Variants in DGCR2 observed in about 807,000 individuals in gnomAD.
DGCR2 encodes the protein DiGeorge syndrome critical region gene 2.
DGCR2 carries 24 observed loss-of-function variants against 51.6 expected under a neutral mutation model. The observed-to-expected ratio is 0.47, with a 90% confidence interval of 0.34 to 0.65. The LOEUF is 0.65. Ranked by LOEUF, DGCR2 falls within the 30% of genes least tolerant of loss-of-function variation. The pLI is 0.01. For missense variants in DGCR2, 765 were observed against 772.1 expected (o/e 0.99, Z 0.11); for synonymous variants, 340 against 315.4 (o/e 1.08, Z -0.82).
At chr22:19,117,513 T>G (rs1390980538) in intron 1 of DGCR2, among the ~76,000 whole-genome samples, 1 of 152,214 alleles carries the variant, frequency 6.6e-6, no homozygotes, top group African/African-American at 2.4e-5. Context: ...GGGAGCAGCC[T>G]CTACTCTCTG....
chr22:19,060,876 C>G (rs761383537), intron 5 of DGCR2: 2 of 516,268 alleles, frequency 3.9e-6, no homozygotes, highest in South Asian at 2.8e-5. Context: ...AACGAGCTCC[C>G]AACTTCAAAT....
chr22:19,060,973 A>C, intron 5 of DGCR2: 1 of 391,574 alleles, frequency 2.6e-6, no homozygotes, highest in Non-Finnish European at 5.2e-6. Flanking sequence ...ATATTATACA[A>C]CACAGAAAAG....
chr22:19,084,700 GTCCGGGAGGGAGGTGGGGGGTCAGC>G (rs1569071736), intron 2 of DGCR2, among the ~76,000 whole-genome samples: 92 of 111,332 alleles, frequency 8.3e-4, no homozygotes, highest in African/African-American at 2.1e-3. Context: ...CAGCTGCCCC[GTCCGGGAGGGAGGTGGGGGGTCAGC>G]CCCCGCCCGG....
intron 2 of DGCR2, among the ~76,000 whole-genome samples, chr22:19,074,193 A>T (rs1464454980): frequency 2.6e-5 from 4 of 152,152 alleles, no homozygotes; most frequent in Non-Finnish European, 5.9e-5. Flanking sequence ...TGGGAGACCG[A>T]GGCAGGCGAT....
intron 5 of DGCR2, chr22:19,060,432 TGA>T (rs1491147902): frequency 1.3e-5 from 2 of 154,156 alleles, no homozygotes; most frequent in Non-Finnish European, 2.9e-5. Context: ...ATGTGCGTGC[TGA>T]GACACCACGG....
chr22:19,081,938 AG>A (rs1221953653), intron 2 of DGCR2, among the ~76,000 whole-genome samples: 3 of 152,208 alleles, frequency 2.0e-5, no homozygotes, highest in Non-Finnish European at 4.4e-5. Context: ...AATGCTTTAT[AG>A]GAGTTCTTTA....
chr22:19,081,378 C>A (rs777695258), intron 2 of DGCR2, among the ~76,000 whole-genome samples: 35 of 152,314 alleles, frequency 2.3e-4, no homozygotes, highest in Non-Finnish European at 3.8e-4. Flanking sequence ...ATATAACGAT[C>A]TGTTTTGCTT....
chr22:19,102,698 T>C (rs1299587919), intron 1 of DGCR2, among the ~76,000 whole-genome samples: 3 of 146,966 alleles, frequency 2.0e-5, no homozygotes, highest in African/African-American at 7.6e-5. Context: ...CGAGACTCCG[T>C]CTCAAAAAAA....
intron 2 of DGCR2, among the ~76,000 whole-genome samples, chr22:19,086,763 G>A (rs991606043): frequency 6.6e-6 from 1 of 152,132 alleles, no homozygotes; most frequent in Non-Finnish European, 1.5e-5. Flanking sequence ...GAAAACATAT[G>A]GCAACCAATG....
rs528914788 is a variant in DGCR2, at chr22:19,114,145, A to C, written c.79+7983T>G. ...CCACCTTTCCTCTCCATCTTTTGTT[A>C]CCAAAGGAAAAAAAAAAAAAAGAAT... On this transcript the variant is annotated intron_variant, in intron 1 of 9. Transcript: ENST00000263196. 9.4e-3 allele frequency among the ~76,000 whole-genome samples: 1,357 copies of C among 144,618 alleles called. 5 individuals carry two copies. Among genetic ancestry groups the C allele is most frequent in the Non-Finnish European group, 0.014 (933 of 65,242 alleles). The allele number at this position is 144,618 out of a possible 152,430, so 94.9% of individuals were successfully genotyped here. A position where few individuals can be genotyped will look rare whatever the true frequency, so the allele number is the denominator to read the frequency against.
At chr22:19,063,701 A>G (rs1387413875) in intron 4 of DGCR2, among the ~76,000 whole-genome samples, 1 of 152,052 alleles carries the variant, frequency 6.6e-6, no homozygotes, top group Admixed American at 6.5e-5. Context: ...ATTAAAATTC[A>G]AAACAAGAAA....
At chr22:19,076,883 C>A (rs1224623863) in intron 2 of DGCR2, among the ~76,000 whole-genome samples, 2 of 151,868 alleles carry the variant, frequency 1.3e-5, no homozygotes, top group East Asian at 1.9e-4. Context: ...GCGCCCGCCA[C>A]CACACCTGGC....
At position 19,120,380 on chromosome 22, in the gene DGCR2, G is replaced by A. The variant is rs543075445; in HGVS notation, c.79+1748C>T. ...CCACCTCTGGGACCCCACACTCCAGGGTATTCAACACACAGGAGTGTGACA... is the reference window on the plus strand; with the variant it reads ...CCACCTCTGGGACCCCACACTCCAGAGTATTCAACACACAGGAGTGTGACA... On this transcript the variant is annotated intron_variant, in intron 1 of 9. Coordinates refer to ENST00000263196, the MANE Select transcript of DGCR2 (RefSeq NM_005137.3). 6.6e-5 allele frequency among the ~76,000 whole-genome samples: 10 copies of A among 152,186 alleles called. No individual in the cohort carries two copies. The South Asian group carries it at 1.7e-3, about 25-fold the overall frequency.
chr22:19,099,343 G>C (rs1331269487), intron 1 of DGCR2, among the ~76,000 whole-genome samples: 1 of 152,146 alleles, frequency 6.6e-6, no homozygotes, highest in Non-Finnish European at 1.5e-5. Flanking sequence ...ACTTTGGGAG[G>C]CCAAGGCAGG....
intron 1 of DGCR2, among the ~76,000 whole-genome samples, chr22:19,108,569 TAAAAAAAAAAAAAAAAAAAAA>T (rs55803042): frequency 0.44 from 41,444 of 94,648 alleles, 8,622 homozygotes; most frequent in African/African-American, 0.65. Context: ...AGAATTTATC[TAAAAAAAAAAAAAAAAAAAAA>T]AAAAAAAAAA....
chr22:19,080,566 A>G (rs2082924763), intron 2 of DGCR2, among the ~76,000 whole-genome samples: 1 of 152,194 alleles, frequency 6.6e-6, no homozygotes, highest in South Asian at 2.1e-4. Flanking sequence ...TGCGGGGCAC[A>G]GTGGCTCATG....
At chr22:19,105,710 G>GC (rs11376473) in intron 1 of DGCR2, among the ~76,000 whole-genome samples, 152,304 of 152,304 alleles carry the variant, frequency 1, 76,152 homozygotes, top group Non-Finnish European at 1. Flanking sequence ...ACCTGCGTCA[G>GC]ACAGAGAGCA....
At chr22:19,067,079 C>A (rs2082758080) in intron 3 of DGCR2, among the ~76,000 whole-genome samples, 1 of 152,228 alleles carries the variant, frequency 6.6e-6, no homozygotes, top group Non-Finnish European at 1.5e-5. Context: ...TGGCCCCACT[C>A]TGGCCACCCA....
chr22:19,061,626 C>T (rs769716784), intron 5 of DGCR2: 4 of 152,228 alleles, frequency 2.6e-5, no homozygotes, highest in Non-Finnish European at 4.4e-5. Context: ...CCCAGAACCA[C>T]TCATGATGCT....
Sources: allele counts gnomAD v4.1 joint callset (sites outside exome capture counted in the v4.1 genomes callset), GRCh38; gene constraint gnomAD v4.1.1; transcripts MANE v1.5; gene names NCBI Gene and HGNC (gene_info 2026-07-23, HGNC 2026-07-21).